The following DPYD variants were observed in gnomAD, a reference collection of about 807,000 sequenced individuals.
The protein encoded by DPYD is dihydropyrimidine dehydrogenase [NADP(+)].
DPYD carries 109 observed loss-of-function variants against 116.2 expected under a neutral mutation model. The ratio of observed to expected loss-of-function variants is 0.94; its 90% CI spans 0.80 to 1.10. DPYD has a LOEUF of 1.10. DPYD is among the 50% of genes least tolerant of loss of function. The pLI is 0.00. For missense variants in DPYD, 1,302 were observed against 1,254.5 expected (o/e 1.04, Z -0.57); for synonymous variants, 440 against 432.0 (o/e 1.02, Z -0.23).
Position 97,715,659 on chromosome 1 carries a change from G to T in DPYD, c.483+5851C>A, listed in dbSNP as rs150010556. Reference sequence around the variant, plus strand: ...TCCTGATCATTATCTAACCTATCTCGGTCATTTGATCATCTTACTTATAAA... The same window carrying T: ...TCCTGATCATTATCTAACCTATCTCTGTCATTTGATCATCTTACTTATAAA... On this transcript the variant is annotated intron_variant, in intron 5 of 22. Transcript: ENST00000370192. Among the ~76,000 whole-genome samples the T allele has an allele frequency of 6.6e-5, 10 of 151,898 alleles. 1 individual carries two copies. Among genetic ancestry groups the T allele is most frequent in the African/African-American group, 2.4e-4 (10 of 41,342 alleles).
intron 13 of DPYD, among the ~76,000 whole-genome samples, chr1:97,486,176 A>G (rs1317082993): frequency 6.6e-6 from 1 of 152,146 alleles, no homozygotes; most frequent in African/African-American, 2.4e-5. Context: ...AATCTTTTTA[A>G]ATGCTTGTTT....
At chr1:97,656,459 G>A (rs530828409) in intron 8 of DPYD, among the ~76,000 whole-genome samples, 2 of 151,904 alleles carry the variant, frequency 1.3e-5, no homozygotes, top group Non-Finnish European at 2.9e-5. Flanking sequence ...ACAGCTACCT[G>A]GTACTACCAA....
Position 97,287,252 on chromosome 1 carries a change from AC to A in DPYD, c.2299+18006del, listed in dbSNP as rs1263612622. 3.9e-5 allele frequency among the ~76,000 whole-genome samples: 6 copies of A among 152,064 alleles called. No homozygotes were observed. In the South Asian group the frequency reaches 1.2e-3, roughly 32 times the overall value. Reference sequence around the variant, plus strand: ...GCCGCAGAACAGCGGATTTTCATGAACCACGAATGCTGCTGTCTGATCGTTC... The same window carrying A: ...GCCGCAGAACAGCGGATTTTCATGAACACGAATGCTGCTGTCTGATCGTTC... On this transcript the variant is annotated intron_variant, in intron 18 of 22. Coordinates refer to ENST00000370192, the MANE Select transcript of DPYD (RefSeq NM_000110.4).
At chr1:97,205,332 C>A (rs368339178) in intron 19 of DPYD, among the ~76,000 whole-genome samples, 1 of 151,938 alleles carries the variant, frequency 6.6e-6, no homozygotes, top group Non-Finnish European at 1.5e-5. Context: ...CCCTCACCTC[C>A]CCCATCCCCT....
intron 2 of DPYD, among the ~76,000 whole-genome samples, chr1:97,834,552 CTTAT>C (rs1440409130): frequency 6.6e-6 from 1 of 151,866 alleles, no homozygotes; most frequent in Non-Finnish European, 1.5e-5. Flanking sequence ...AACCACCACT[CTTAT>C]GAAGGCAATG....
chr1:97,799,679 C>T (rs973595730), intron 3 of DPYD, among the ~76,000 whole-genome samples: 2 of 151,798 alleles, frequency 1.3e-5, no homozygotes, highest in African/African-American at 4.8e-5. Context: ...CTTAAAAATC[C>T]ATAACAAAAT....
chr1:97,723,786 TACAC>T (rs1226855374), intron 4 of DPYD, among the ~76,000 whole-genome samples: 2 of 151,554 alleles, frequency 1.3e-5, no homozygotes, highest in Admixed American at 6.6e-5. Context: ...AGAAATATCT[TACAC>T]ACAGAGAAGA....
At chr1:97,457,190 G>A (rs183980967) in intron 13 of DPYD, among the ~76,000 whole-genome samples, 9 of 142,948 alleles carry the variant, frequency 6.3e-5, no homozygotes, top group Admixed American at 4.1e-4. Context: ...CTTAAAAGAC[G>A]GGAATAATAA....
intron 20 of DPYD, among the ~76,000 whole-genome samples, chr1:97,106,907 A>G (rs1651202379): frequency 6.6e-6 from 1 of 152,174 alleles, no homozygotes; most frequent in South Asian, 2.1e-4. Flanking sequence ...GGCTGCATAT[A>G]GATATATGAG....
At chr1:97,529,716 CTTTCT>C (rs1330380925) in intron 12 of DPYD, among the ~76,000 whole-genome samples, 3 of 142,110 alleles carry the variant, frequency 2.1e-5, no homozygotes, top group African/African-American at 5.2e-5. Context: ...TTCTTTCTTC[CTTTCT>C]TTTCTTTCCT....
At chr1:97,310,535 G>A (rs1667447650) in intron 16 of DPYD, among the ~76,000 whole-genome samples, 1 of 151,794 alleles carries the variant, frequency 6.6e-6, no homozygotes, top group Non-Finnish European at 1.5e-5. Context: ...GCAGTCAACT[G>A]TTCCAGGCAC....
chr1:97,478,991 T>C (rs1224496675), intron 13 of DPYD, among the ~76,000 whole-genome samples: 1 of 152,188 alleles, frequency 6.6e-6, no homozygotes, highest in Non-Finnish European at 1.5e-5. Context: ...CTTTACAGAA[T>C]TGGAGCACGT....
intron 14 of DPYD, among the ~76,000 whole-genome samples, chr1:97,426,616 C>T (rs957200178): frequency 6.6e-6 from 1 of 151,942 alleles, no homozygotes; most frequent in Non-Finnish European, 1.5e-5. Flanking sequence ...AGAGGAGTGG[C>T]TCTATAGTGG....
intron 13 of DPYD, among the ~76,000 whole-genome samples, chr1:97,514,903 C>G (rs575474163): frequency 6.6e-6 from 1 of 151,754 alleles, no homozygotes; most frequent in African/African-American, 2.4e-5. Context: ...TTTTCTTTGC[C>G]TAAGGATAAA....
chr1:97,574,119 G>A (rs1242886621), intron 10 of DPYD, 149 bp from the exon 11 acceptor site: 2 of 1,363,360 alleles, frequency 1.5e-6, no homozygotes, highest in Non-Finnish European at 2.0e-6. Context: ...TCAGTTACCA[G>A]TTATTTGCAT....
At chr1:97,904,525 A>C (rs1257003362) in intron 1 of DPYD, among the ~76,000 whole-genome samples, 1 of 152,004 alleles carries the variant, frequency 6.6e-6, no homozygotes, top group Non-Finnish European at 1.5e-5. Flanking sequence ...AAAAGAAAAA[A>C]GGTTAACCAC....
intron 8 of DPYD, among the ~76,000 whole-genome samples, chr1:97,595,496 T>A (rs926193409): frequency 2.0e-5 from 3 of 151,782 alleles, no homozygotes; most frequent in Non-Finnish European, 2.9e-5. Context: ...CATAAATAAG[T>A]CAGTTTCAGC....
At chr1:97,357,355 T>C (rs1221256214) in intron 16 of DPYD, among the ~76,000 whole-genome samples, 2 of 151,300 alleles carry the variant, frequency 1.3e-5, no homozygotes, top group Non-Finnish European at 2.9e-5. Flanking sequence ...GTTAATTTAT[T>C]AGTTCTAACA....
In DPYD at chr1:97,234,972, A is replaced by G. The variant is rs1468757814; in HGVS notation, c.2322T>C (p.Ala774=). The change falls in exon 19 of 23, where the codon GCT becomes GCC. Residue 774 remains alanine, a synonymous_variant. Transcript: ENST00000370192. Reference sequence around the variant, plus strand: ...GAGCAATGGAGGTCACAGCTCTCAAAGCAATAGGTCTGATTGCTGTCCCTA... The same window carrying G: ...GAGCAATGGAGGTCACAGCTCTCAAGGCAATAGGTCTGATTGCTGTCCCTA... ...GVSGTAIRPI[A]LRAVTSIARA... is the part of the protein sequence containing the mutation. 1 of 1,614,052 alleles carries G rather than the reference A, an allele frequency of 6.2e-7. No homozygotes were observed. Among genetic ancestry groups the G allele is most frequent in the Non-Finnish European group, 8.5e-7 (1 of 1,180,020 alleles).
Sources: gnomAD v4.1 joint callset for allele counts (sites outside exome capture counted in the v4.1 genomes callset) on GRCh38, gnomAD v4.1.1 for gene constraint, MANE v1.5 for transcripts, NCBI Gene and HGNC (gene_info 2026-07-23, HGNC 2026-07-21) for gene names.